Variants in EGFR observed in about 807,000 individuals in gnomAD.
EGFR encodes avian erythroblastic leukemia viral (v-erb-b) oncogene homolog.
Under a neutral mutation model 143.0 loss-of-function variants are expected in EGFR, and 58 were observed. The ratio of observed to expected loss-of-function variants is 0.41; its 90% CI spans 0.33 to 0.50. The LOEUF (loss-of-function observed/expected upper bound fraction) is 0.50. Ranked by LOEUF, EGFR falls within the 20% of genes least tolerant of loss-of-function variation. The probability of loss-of-function intolerance (pLI) is 0.39; values close to 1 mark genes in which losing one functional copy is unlikely to be tolerated. For synonymous variants in EGFR, 613 were observed against 594.4 expected (o/e 1.03, Z -0.45); for missense variants, 1,307 against 1,579.0 (o/e 0.83, Z 2.92).
chr7:55,093,758 T>C (rs1221348550), intron 1 of EGFR, among the ~76,000 whole-genome samples: 1 of 152,170 alleles, frequency 6.6e-6, no homozygotes. Context: ...CAAGGAGTTA[T>C]CTTAATTTAG....
chr7:55,173,427 C>T (rs1290324455), intron 17 of EGFR, among the ~76,000 whole-genome samples: 1 of 152,240 alleles, frequency 6.6e-6, no homozygotes, highest in Non-Finnish European at 1.5e-5. Flanking sequence ...TGATCCCATG[C>T]TGGCACTGTG....
intron 23 of EGFR, among the ~76,000 whole-genome samples, chr7:55,199,919 T>A (rs922994277): frequency 6.6e-6 from 1 of 152,218 alleles, no homozygotes; most frequent in African/African-American, 2.4e-5. Flanking sequence ...AAGTTGCATC[T>A]GGTTTCCTAC....
intron 1 of EGFR, among the ~76,000 whole-genome samples, chr7:55,044,318 T>C (rs1788066980): frequency 6.6e-6 from 1 of 152,196 alleles, no homozygotes; most frequent in African/African-American, 2.4e-5. Context: ...TGAAAGTGTG[T>C]TTAATAGTTT....
At position 55,045,535 on chromosome 7, in the gene EGFR, G is replaced by A. The variant is rs568095224; in HGVS notation, c.88+26170G>A. Among the ~76,000 whole-genome samples the A allele has an allele frequency of 5.9e-5, 9 of 152,246 alleles. No individual in the cohort carries two copies. In the South Asian group the frequency reaches 1.9e-3, roughly 32 times the overall value. ...TCTAACAAAAGTGGCCTGAAGAGAG[G>A]CTTCTAGACTATACTCACGGTGGGT... is the stretch of plus-strand genomic sequence containing the variant. On this transcript the variant is annotated intron_variant, in intron 1 of 27. Coordinates refer to ENST00000275493, the MANE Select transcript of EGFR (RefSeq NM_005228.5).
At chr7:55,082,154 A>C in intron 1 of EGFR, among the ~76,000 whole-genome samples, 1 of 152,212 alleles carries the variant, frequency 6.6e-6, no homozygotes, top group Middle Eastern at 3.2e-3. Context: ...ATCAGTGATC[A>C]AACCAAAGTT....
chr7:55,121,194 C>G (rs575297100), intron 1 of EGFR, among the ~76,000 whole-genome samples: 2 of 152,336 alleles, frequency 1.3e-5, no homozygotes, highest in African/African-American at 4.8e-5. Flanking sequence ...ATCCAAACTT[C>G]TGAATGCTTA....
intron 1 of EGFR, among the ~76,000 whole-genome samples, chr7:55,082,413 T>C (rs887388733): frequency 2.6e-5 from 4 of 152,152 alleles, no homozygotes; most frequent in African/African-American, 9.7e-5. Flanking sequence ...GTCTCCTACC[T>C]GTGACTTTAT....
intron 1 of EGFR, among the ~76,000 whole-genome samples, chr7:55,118,813 C>A (rs1255229865): frequency 6.6e-6 from 1 of 152,172 alleles, no homozygotes; most frequent in Non-Finnish European, 1.5e-5. Context: ...GTCAGCCCAT[C>A]AGCCTGAAAT....
chr7:55,111,605 G>A (rs1042649304), intron 1 of EGFR, among the ~76,000 whole-genome samples: 1 of 152,124 alleles, frequency 6.6e-6, no homozygotes, highest in Non-Finnish European at 1.5e-5. Flanking sequence ...TGAATTCCTG[G>A]ACTTGATATG....
At chr7:55,062,433 C>T (rs17335878) in intron 1 of EGFR, among the ~76,000 whole-genome samples, 3,460 of 152,134 alleles carry the variant, frequency 0.023, 75 homozygotes, top group African/African-American at 0.057. Flanking sequence ...CTTTCTTAAC[C>T]CTTTAATTAA....
intron 1 of EGFR, among the ~76,000 whole-genome samples, chr7:55,060,787 G>A (rs1406613214): frequency 6.6e-6 from 1 of 152,194 alleles, no homozygotes; most frequent in Non-Finnish European, 1.5e-5. Flanking sequence ...TTGGGGCTCT[G>A]GATACCGTGT....
chr7:55,163,520 T>C (rs540935680), intron 13 of EGFR, among the ~76,000 whole-genome samples: 1 of 152,238 alleles, frequency 6.6e-6, no homozygotes, highest in Non-Finnish European at 1.5e-5. Flanking sequence ...GCAGAAAAGA[T>C]ATCTTGATTA....
chr7:55,197,672 T>C (rs1404131185), intron 22 of EGFR, among the ~76,000 whole-genome samples: 1 of 152,180 alleles, frequency 6.6e-6, no homozygotes, highest in Non-Finnish European at 1.5e-5. Context: ...TATGTTGAGG[T>C]TTGTTCTTTA....
At chr7:55,019,916 C>A (rs1786434357) in intron 1 of EGFR, among the ~76,000 whole-genome samples, 1 of 152,150 alleles carries the variant, frequency 6.6e-6, no homozygotes, top group South Asian at 2.1e-4. Flanking sequence ...TCTGAGAGGA[C>A]CTCCCCGCCT....
At chr7:55,075,891 G>T (rs1229046788) in intron 1 of EGFR, among the ~76,000 whole-genome samples, 4 of 152,106 alleles carry the variant, frequency 2.6e-5, no homozygotes, top group Non-Finnish European at 5.9e-5. Flanking sequence ...TGGCTTTCAA[G>T]GGGTGGGGGT....
chr7:55,175,620 G>T (rs1399674167), intron 19 of EGFR, among the ~76,000 whole-genome samples: 2 of 152,184 alleles, frequency 1.3e-5, no homozygotes, highest in Non-Finnish European at 2.9e-5. Flanking sequence ...AAGGGGCTCA[G>T]GCAGCGGACT....
At chr7:55,153,681 G>A (rs1046282609) in intron 6 of EGFR, among the ~76,000 whole-genome samples, 4 of 152,060 alleles carry the variant, frequency 2.6e-5, no homozygotes, top group African/African-American at 9.7e-5. Context: ...TCCTTTATAA[G>A]GGAAATTAAA....
chr7:55,201,707 A>G (rs1407634247), intron 25 of EGFR, 28 bp from the exon 26 acceptor site: 2 of 1,614,072 alleles, frequency 1.2e-6, no homozygotes, highest in East Asian at 4.5e-5. Flanking sequence ...CAAGCATTCC[A>G]TGGGCAACTT....
At chr7:55,131,215 A>G (rs1584115248) in intron 1 of EGFR, among the ~76,000 whole-genome samples, 1 of 151,932 alleles carries the variant, frequency 6.6e-6, no homozygotes, top group South Asian at 2.1e-4. Context: ...GCCCACTGAC[A>G]TGTGCCAGTA....
Sources: gnomAD v4.1 joint callset for allele counts (sites outside exome capture counted in the v4.1 genomes callset) on GRCh38, gnomAD v4.1.1 for gene constraint, MANE v1.5 for transcripts, NCBI Gene and HGNC (gene_info 2026-07-23, HGNC 2026-07-21) for gene names.